The following PSMD11 variants were observed in gnomAD, a reference collection of about 807,000 sequenced individuals.
PSMD11 encodes 26S proteasome non-ATPase regulatory subunit 11.
In PSMD11, 5 loss-of-function variants were observed where a neutral mutation model predicts 62.3. The observed-to-expected ratio is 0.08, with a 90% CI of 0.04 to 0.17. The LOEUF (loss-of-function observed/expected upper bound fraction) is 0.17, where lower values mean the gene tolerates loss of function less well. PSMD11 is among the 10% of genes least tolerant of loss of function. PSMD11 has a pLI of 1.00. For missense variants in PSMD11, 310 were observed against 512.9 expected, an observed-to-expected ratio of 0.60 and a Z score of 3.82; for synonymous variants, 191 against 191.8, an observed-to-expected ratio of 1.00 and a Z score of 0.03.
chr17:32,469,724 G>A (rs980556760), intron 6 of PSMD11, among the ~76,000 whole-genome samples: 57 of 151,898 alleles, frequency 3.8e-4, no homozygotes, highest in African/African-American at 1.4e-3. Context: ...TACTGGAGGC[G>A]TCATTATTGA....
chr17:32,477,769 G>A (rs1447828614), intron 9 of PSMD11, 186 bp downstream of exon 9: 1 of 404,334 alleles, frequency 2.5e-6, no homozygotes, highest in Non-Finnish European at 4.4e-6. Flanking sequence ...AACTTACTGA[G>A]TTGATATAAA....
At chr17:32,459,164 T>C (rs1907748166) in intron 3 of PSMD11, among the ~76,000 whole-genome samples, 1 of 145,820 alleles carries the variant, frequency 6.9e-6, no homozygotes, top group Admixed American at 6.9e-5. Context: ...GCTTATATAC[T>C]CTTAAGTTGT....
chr17:32,463,586 C>T (rs1907906988), intron 3 of PSMD11: 2 of 158,870 alleles, frequency 1.3e-5, no homozygotes, highest in Admixed American at 1.2e-4. Flanking sequence ...AAAAAGCCAG[C>T]TGGACCTTTT....
chr17:32,474,738 T>C, intron 7 of PSMD11, 26 bp from the exon 8 acceptor site: 2 of 1,612,344 alleles, frequency 1.2e-6, no homozygotes, highest in Non-Finnish European at 1.7e-6. Context: ...TCTGCAGCAA[T>C]TGACCAAGTA....
At chr17:32,474,513 A>G (rs771777636) in intron 7 of PSMD11, among the ~76,000 whole-genome samples, 5 of 152,214 alleles carry the variant, frequency 3.3e-5, no homozygotes, top group South Asian at 2.1e-4. Flanking sequence ...TGTTGTGTCT[A>G]TTGCTTTTGG....
chr17:32,468,758 T>C (rs1240953180), intron 5 of PSMD11, among the ~76,000 whole-genome samples: 1 of 152,212 alleles, frequency 6.6e-6, no homozygotes. Flanking sequence ...AGTAAGCTCA[T>C]AGGACTGTTG....
chr17:32,465,373 A>C (rs914321171), intron 5 of PSMD11, among the ~76,000 whole-genome samples: 1 of 152,040 alleles, frequency 6.6e-6, no homozygotes, highest in Non-Finnish European at 1.5e-5. Flanking sequence ...TTAGCCTCCC[A>C]AAGTGCTAGG....
At chr17:32,464,625 T>C in intron 5 of PSMD11, 47 bp downstream of exon 5, 1 of 1,446,980 alleles carries the variant, frequency 6.9e-7, no homozygotes, top group Non-Finnish European at 9.6e-7. Context: ...AATGAATGTA[T>C]TCTAAACCAC....
chr17:32,483,090 C>G lies in PSMD11; in HGVS notation c.*2338C>G, dbSNP rs1567860812. 1 of 152,170 alleles carries G rather than the reference C, an allele frequency of 6.6e-6. No individual in the cohort carries two copies. The highest frequency in any genetic ancestry group is 2.4e-5 in the African/African-American group (1 of 41,430). 9.4% of individuals were successfully genotyped at this position (152,170 alleles called of 1,614,324 possible). On this transcript the variant is annotated 3_prime_UTR_variant, in exon 14 of 14. Transcript: ENST00000261712. The stretch of plus-strand genomic sequence containing the variant: ...TTGCGGGTCTTGGTCAGATGATGCC[C>G]TCTAGACCCGTGCTGTCCAATATGT...
At chr17:32,466,892 C>T (rs571830236) in intron 5 of PSMD11, among the ~76,000 whole-genome samples, 17 of 152,238 alleles carry the variant, frequency 1.1e-4, no homozygotes, top group Non-Finnish European at 2.1e-4. Context: ...TGATGCTGAG[C>T]ATATTTTCAT....
intron 5 of PSMD11, among the ~76,000 whole-genome samples, chr17:32,465,875 T>C (rs1907977801): frequency 6.6e-6 from 1 of 152,162 alleles, no homozygotes; most frequent in African/African-American, 2.4e-5. Flanking sequence ...CTTGTTAGGC[T>C]GAGGCAGAAG....
At chr17:32,470,639 C>G in intron 6 of PSMD11, among the ~76,000 whole-genome samples, 1 of 152,236 alleles carries the variant, frequency 6.6e-6, no homozygotes, top group East Asian at 1.9e-4. Flanking sequence ...ACTCAGAGTG[C>G]TGATATGGCC....
chr17:32,449,336 T>C (rs1907423530), intron 2 of PSMD11, among the ~76,000 whole-genome samples: 1 of 152,020 alleles, frequency 6.6e-6, no homozygotes, highest in African/African-American at 2.4e-5. Context: ...GCCGAGGAGG[T>C]TGAGGCTGTA....
At chr17:32,447,909 C>T (rs1239681667) in intron 2 of PSMD11, among the ~76,000 whole-genome samples, 2 of 144,622 alleles carry the variant, frequency 1.4e-5, no homozygotes, top group Admixed American at 7.1e-5. Flanking sequence ...GAGACGGGGT[C>T]TTGCTGTGTC....
chr17:32,470,759 A>T (rs971396391), intron 6 of PSMD11, among the ~76,000 whole-genome samples: 2 of 152,118 alleles, frequency 1.3e-5, no homozygotes, highest in Non-Finnish European at 2.9e-5. Flanking sequence ...CTCTCTCTAT[A>T]CTGGGAGATG....
intron 5 of PSMD11, 76 bp downstream of exon 5, chr17:32,464,654 T>A: frequency 9.0e-7 from 1 of 1,113,836 alleles, no homozygotes. Context: ...TCTTACTAAT[T>A]ACCTGTTAAT....
chr17:32,464,653 T>C, intron 5 of PSMD11, 75 bp downstream of exon 5: 9 of 1,143,030 alleles, frequency 7.9e-6, no homozygotes, highest in Non-Finnish European at 8.8e-6. Flanking sequence ...CTCTTACTAA[T>C]TACCTGTTAA....
Position 32,464,505 on chromosome 17 carries a change from CT to C in PSMD11, c.391-12del. The C allele has an allele frequency of 6.3e-7, 1 of 1,586,852 alleles. No individual in the cohort carries two copies. Among genetic ancestry groups the C allele is most frequent in the Non-Finnish European group, 8.6e-7 (1 of 1,162,944 alleles). On this transcript the variant is annotated splice_polypyrimidine_tract_variant and intron_variant, in intron 4 of 13. Transcript: ENST00000261712. ...TTTTTCCCCCCCCTTCAATCAATGC[CT>C]TTTCTCTTTCCTAGGCAAGACTGGT... is the stretch of plus-strand genomic sequence containing the variant.
At chr17:32,474,969 C>T (rs1908275656) in intron 8 of PSMD11, 145 bp downstream of exon 8, 1 of 768,522 alleles carries the variant, frequency 1.3e-6, no homozygotes, top group Non-Finnish European at 2.2e-6. Context: ...TAAGCCCATT[C>T]AGTGTGTTTC....
Sources: gnomAD v4.1 joint callset for allele counts (sites outside exome capture counted in the v4.1 genomes callset) on GRCh38, gnomAD v4.1.1 for gene constraint, MANE v1.5 for transcripts, NCBI Gene and HGNC (gene_info 2026-07-23, HGNC 2026-07-21) for gene names.